FAM110B: variants seen among roughly 807,000 people sequenced by gnomAD.
FAM110B encodes family with sequence similarity 110 member B.
Under a neutral mutation model 20.4 loss-of-function variants are expected in FAM110B, and 6 were observed. That is an observed-to-expected ratio of 0.29 (90% CI 0.16 to 0.58). The LOEUF (loss-of-function observed/expected upper bound fraction) is 0.58. FAM110B is among the 20% of genes least tolerant of loss of function. The probability of loss-of-function intolerance (pLI) is 0.90; values close to 1 mark genes in which losing one functional copy is unlikely to be tolerated. For missense variants in FAM110B, 434 were observed against 498.2 expected, an observed-to-expected ratio of 0.87 and a Z score of 1.23; for synonymous variants, 226 against 214.1, an observed-to-expected ratio of 1.06 and a Z score of -0.49.
At chr8:58,125,885 AG>A (rs1807489247) in intron 3 of FAM110B, among the ~76,000 whole-genome samples, 1 of 151,200 alleles carries the variant, frequency 6.6e-6, no homozygotes, top group Non-Finnish European at 1.5e-5. Context: ...AGATGGTAGA[AG>A]TTTCATGTGT....
chr8:58,068,055 C>T (rs1805808228), intron 2 of FAM110B, among the ~76,000 whole-genome samples: 1 of 152,166 alleles, frequency 6.6e-6, no homozygotes, highest in South Asian at 2.1e-4. Context: ...ACAGCTTTTT[C>T]AGTGCCTATT....
rs943555848 is a variant in FAM110B, at chr8:58,102,588, G to A, written c.-325+26965G>A. The stretch of plus-strand genomic sequence containing the variant: ...CTGGTATGTCTATTGCTTTTGTTGC[G>A]TAAATGAATTGATTTCCACCTACGC... On this transcript the variant is annotated intron_variant, in intron 3 of 3. Coordinates refer to ENST00000519262, the MANE Select transcript of FAM110B (RefSeq NM_001377989.1). Among the ~76,000 whole-genome samples the A allele has an allele frequency of 7.2e-5, 11 of 152,280 alleles. No individual in the cohort carries two copies. The East Asian group carries it at 1.7e-3, about 24-fold the overall frequency.
chr8:58,037,335 A>G (rs1805096189), intron 2 of FAM110B, among the ~76,000 whole-genome samples: 1 of 147,744 alleles, frequency 6.8e-6, no homozygotes, highest in African/African-American at 2.6e-5. Context: ...TTGTTTTTTT[A>G]ATTAAAATGT....
chr8:58,078,110 A>G lies in FAM110B; in HGVS notation c.-325+2487A>G, dbSNP rs555308873. Among the ~76,000 whole-genome samples the G allele has an allele frequency of 2.0e-4, 30 of 152,358 alleles. 1 individual carries two copies. In the South Asian group the frequency reaches 3.9e-3, roughly 20 times the overall value. On this transcript the variant is annotated intron_variant, in intron 3 of 3. Coordinates refer to ENST00000519262, the MANE Select transcript of FAM110B (RefSeq NM_001377989.1). ...TCTTTCCTAGATTCTTAAATTACAG[A>G]TAAGCAGCCTTATGAATTCATATGC...
At chr8:58,092,286 T>C (rs1239347823) in intron 3 of FAM110B, among the ~76,000 whole-genome samples, 6 of 152,338 alleles carry the variant, frequency 3.9e-5, no homozygotes, top group Admixed American at 2.6e-4. Context: ...GGGATACATG[T>C]GCAGAATGTG....
At position 58,004,026 on chromosome 8, in the gene FAM110B, C is replaced by T. The variant is rs926908484; in HGVS notation, c.-512+9220C>T. ...AGTTTTGTGGAAGACAGTTTTTCCACGGACTGGGGGATGGGGTGGGGGAGG... is the reference window on the plus strand; with the variant it reads ...AGTTTTGTGGAAGACAGTTTTTCCATGGACTGGGGGATGGGGTGGGGGAGG... On this transcript the variant is annotated intron_variant, in intron 1 of 3. Coordinates refer to ENST00000519262, the MANE Select transcript of FAM110B (RefSeq NM_001377989.1). Among the ~76,000 whole-genome samples the T allele has an allele frequency of 9.3e-5, 14 of 149,908 alleles. No homozygotes were observed. In the East Asian group the frequency reaches 1.0e-3, roughly 11 times the overall value.
chr8:58,104,046 CTT>C (rs1806850836), intron 3 of FAM110B, among the ~76,000 whole-genome samples: 1 of 152,286 alleles, frequency 6.6e-6, no homozygotes, highest in Admixed American at 6.5e-5. Context: ...TATTTTAACT[CTT>C]TATTCAGCAC....
At chr8:58,068,815 C>G (rs552368752) in intron 2 of FAM110B, among the ~76,000 whole-genome samples, 1 of 152,100 alleles carries the variant, frequency 6.6e-6, no homozygotes, top group African/African-American at 2.4e-5. Context: ...ACTCTCAGAA[C>G]GGAGAGTTGC....
intron 2 of FAM110B, among the ~76,000 whole-genome samples, chr8:58,040,464 G>A (rs1179297112): frequency 3.3e-5 from 5 of 152,074 alleles, no homozygotes; most frequent in Non-Finnish European, 5.9e-5. Context: ...AGCATCACAG[G>A]CCCACATAGA....
intron 2 of FAM110B, among the ~76,000 whole-genome samples, chr8:58,041,662 T>G (rs550332268): frequency 2.8e-4 from 43 of 152,370 alleles, no homozygotes; most frequent in African/African-American, 9.4e-4. Context: ...ATTCACTCAC[T>G]ACAGTGGTAA....
At chr8:58,080,696 T>G (rs972282288) in intron 3 of FAM110B, among the ~76,000 whole-genome samples, 15 of 152,232 alleles carry the variant, frequency 9.9e-5, no homozygotes, top group Non-Finnish European at 1.9e-4. Context: ...TATTCAATTC[T>G]GGTATCATGT....
At chr8:58,064,653 G>T (rs1805726335) in intron 2 of FAM110B, among the ~76,000 whole-genome samples, 1 of 152,066 alleles carries the variant, frequency 6.6e-6, no homozygotes, top group African/African-American at 2.4e-5. Flanking sequence ...ATCCAAGTGG[G>T]GAGAATTTAG....
At chr8:58,012,448 T>G (rs556452392) in intron 1 of FAM110B, among the ~76,000 whole-genome samples, 1 of 152,310 alleles carries the variant, frequency 6.6e-6, no homozygotes, top group African/African-American at 2.4e-5. Context: ...GGGCAATGTT[T>G]TAATCTTTAT....
chr8:58,147,654 T>C lies in FAM110B; in HGVS notation c.*311T>C. 1 of 331,876 alleles carries C rather than the reference T, an allele frequency of 3.0e-6. No individual in the cohort carries two copies. Among genetic ancestry groups the C allele is most frequent in the Non-Finnish European group, 5.9e-6 (1 of 170,426 alleles). 20.6% of individuals were successfully genotyped at this position (331,876 alleles called of 1,614,324 possible). A position where few individuals can be genotyped will look rare whatever the true frequency, so the allele number is the denominator to read the frequency against. On this transcript the variant is annotated 3_prime_UTR_variant, in exon 4 of 4. Transcript: ENST00000519262. Reference sequence around the variant, plus strand: ...CGATATTTATGTGGTTCTTGTGTTTTTATATCCCGCGCTATTGTGTCTTAA... The same window carrying C: ...CGATATTTATGTGGTTCTTGTGTTTCTATATCCCGCGCTATTGTGTCTTAA...
At chr8:58,001,705 C>T (rs1002814439) in intron 1 of FAM110B, among the ~76,000 whole-genome samples, 2 of 152,036 alleles carry the variant, frequency 1.3e-5, no homozygotes, top group African/African-American at 4.8e-5. Context: ...TTAAGCATAC[C>T]GGCATATTAG....
intron 3 of FAM110B, among the ~76,000 whole-genome samples, chr8:58,135,218 C>T (rs1165567351): frequency 6.6e-6 from 1 of 152,118 alleles, no homozygotes; most frequent in East Asian, 1.9e-4. Flanking sequence ...GATAACAACA[C>T]TTGGTTTAGG....
At chr8:58,020,594 A>G (rs934851239) in intron 1 of FAM110B, among the ~76,000 whole-genome samples, 1 of 152,184 alleles carries the variant, frequency 6.6e-6, no homozygotes, top group Non-Finnish European at 1.5e-5. Context: ...GCTGGGAGAA[A>G]GTTGGTCTAC....
intron 2 of FAM110B, among the ~76,000 whole-genome samples, chr8:58,065,041 C>G (rs1805733970): frequency 1.3e-5 from 2 of 152,198 alleles, no homozygotes; most frequent in Non-Finnish European, 2.9e-5. Flanking sequence ...TACTTACATA[C>G]TTGTTTAGAT....
intron 1 of FAM110B, among the ~76,000 whole-genome samples, chr8:57,995,955 TC>T: frequency 6.6e-6 from 1 of 152,246 alleles, no homozygotes. Context: ...TAGTAGGACT[TC>T]CATTTTCTTC....
Sources: allele counts gnomAD v4.1 joint callset (sites outside exome capture counted in the v4.1 genomes callset), GRCh38; gene constraint gnomAD v4.1.1; transcripts MANE v1.5; gene names NCBI Gene and HGNC (gene_info 2026-07-23, HGNC 2026-07-21).